LRP1B: variants seen among roughly 807,000 people sequenced by gnomAD.
The protein encoded by LRP1B is LDL receptor related protein 1B, also known as low-density lipoprotein receptor-related protein 1B.
LRP1B carries 217 observed loss-of-function variants against 556.6 expected under a neutral mutation model. The ratio of observed to expected loss-of-function variants is 0.39; its 90% CI spans 0.35 to 0.44. The LOEUF is 0.44. LRP1B is among the 20% of genes least tolerant of loss of function. LRP1B has a pLI of 1.00. For missense variants in LRP1B, 5,053 were observed against 5,620.8 expected, an observed-to-expected ratio of 0.90 and a Z score of 3.23; for synonymous variants, 2,047 against 1,865.8, an observed-to-expected ratio of 1.10 and a Z score of -2.50.
intron 86 of LRP1B, 63 bp downstream of exon 86, chr2:140,270,179 C>A (rs1682393698): frequency 2.7e-6 from 3 of 1,131,186 alleles, no homozygotes; most frequent in Non-Finnish European, 4.0e-6. Flanking sequence ...AATAATAGAA[C>A]AGGGATTTCA....
chr2:140,556,470 C>T (rs1680737772), intron 43 of LRP1B, among the ~76,000 whole-genome samples: 1 of 152,066 alleles, frequency 6.6e-6, no homozygotes, highest in Non-Finnish European at 1.5e-5. Context: ...CATATTACCC[C>T]ACAACTATCC....
At chr2:141,544,414 T>TC (rs1423875409) in intron 2 of LRP1B, among the ~76,000 whole-genome samples, 3,606 of 90,516 alleles carry the variant, frequency 0.04, 360 homozygotes, top group Admixed American at 0.049. Context: ...TCCTCCTCCT[T>TC]CTCCTCCTTC....
chr2:141,637,865 T>A (rs146260459), intron 2 of LRP1B, among the ~76,000 whole-genome samples: 3 of 152,126 alleles, frequency 2.0e-5, no homozygotes, highest in Admixed American at 6.6e-5. Flanking sequence ...CTTAGCAGCA[T>A]CTCCTTGGTG....
At chr2:141,413,868 G>GGAGA (rs139239783) in intron 3 of LRP1B, among the ~76,000 whole-genome samples, 2,688 of 148,188 alleles carry the variant, frequency 0.018, 41 homozygotes, top group Middle Eastern at 0.042. Context: ...GACACAGTGA[G>GGAGA]GAGAGAGAGA....
At chr2:140,882,515 T>TA (rs1483662476) in intron 25 of LRP1B, among the ~76,000 whole-genome samples, 1 of 152,194 alleles carries the variant, frequency 6.6e-6, no homozygotes, top group Admixed American at 6.6e-5. Context: ...GGGTCTTATG[T>TA]AAAATCTCTC....
At chr2:142,040,246 T>A (rs569387193) in intron 1 of LRP1B, among the ~76,000 whole-genome samples, 28 of 151,602 alleles carry the variant, frequency 1.8e-4, no homozygotes, top group Non-Finnish European at 3.8e-4. Context: ...TGCCTAATAC[T>A]ATGCTTAAAA....
At chr2:140,909,949 C>A in intron 21 of LRP1B, among the ~76,000 whole-genome samples, 1 of 150,538 alleles carries the variant, frequency 6.6e-6, no homozygotes, top group South Asian at 2.1e-4. Flanking sequence ...TGAAAAAAAG[C>A]CTTGAATATA....
chr2:141,544,381 TCTCCTCCTCCTC>T lies in LRP1B; in HGVS notation c.206-63860_206-63849del, dbSNP rs1170452147. 3.9e-4 allele frequency among the ~76,000 whole-genome samples: 31 copies of T among 79,796 alleles called. No homozygotes were observed. The East Asian group carries it at 6.1e-3, about 16-fold the overall frequency. The allele number at this position is 79,796 out of a possible 152,430, so 52.3% of individuals were successfully genotyped here. A position where few individuals can be genotyped will look rare whatever the true frequency, so the allele number is the denominator to read the frequency against. On this transcript the variant is annotated intron_variant, in intron 2 of 90. Transcript: ENST00000389484. ...TTCTTCTTCTTCTTCTTCTTCTTCT[TCTCCTCCTCCTC>T]CTCCTCCTCCTCCTCCTCCTTCTCC... is the stretch of plus-strand genomic sequence containing the variant.
At chr2:141,968,773 G>A (rs944820269) in intron 1 of LRP1B, among the ~76,000 whole-genome samples, 1 of 151,636 alleles carries the variant, frequency 6.6e-6, no homozygotes. Flanking sequence ...TGGTTTGGTG[G>A]TGTGCTACAC....
chr2:141,732,666 C>T (rs1212603825), intron 2 of LRP1B, among the ~76,000 whole-genome samples: 1 of 152,010 alleles, frequency 6.6e-6, no homozygotes, highest in Non-Finnish European at 1.5e-5. Context: ...TCGTGAGTAG[C>T]TTGGTAGAAT....
chr2:141,480,995 C>A (rs1682900435), intron 2 of LRP1B, among the ~76,000 whole-genome samples: 2 of 152,088 alleles, frequency 1.3e-5, no homozygotes, highest in African/African-American at 2.4e-5. Context: ...GAAGTTATGT[C>A]AATCTAAAGG....
At chr2:140,590,771 G>C (rs6723181) in intron 43 of LRP1B, among the ~76,000 whole-genome samples, 15,896 of 152,142 alleles carry the variant, frequency 0.1, 1,415 homozygotes, top group African/African-American at 0.24. Flanking sequence ...CCAGTCTAAA[G>C]TATTGTGTTA....
intron 2 of LRP1B, among the ~76,000 whole-genome samples, chr2:141,619,736 T>C (rs1479052124): frequency 6.6e-6 from 1 of 152,106 alleles, no homozygotes; most frequent in African/African-American, 2.4e-5. Flanking sequence ...GATTAGAGGA[T>C]AGATGATTGG....
intron 35 of LRP1B, among the ~76,000 whole-genome samples, chr2:140,727,175 CTTTT>C (rs1687623933): frequency 6.6e-6 from 1 of 152,106 alleles, no homozygotes. Context: ...GGTGAAATCT[CTTTT>C]TGAGTAGATT....
In LRP1B at chr2:141,048,983, T is replaced by C; in HGVS notation, c.1789+3A>G. 6.3e-7 allele frequency: 1 copy of C among 1,598,930 alleles called. No individual in the cohort carries two copies. Among genetic ancestry groups the C allele is most frequent in the Non-Finnish European group, 8.6e-7 (1 of 1,166,376 alleles). ...TTGATGTTAATGTCACAGTGTCACTTACCATCTTTCAGGATGGTTTCTCTC... is the reference window on the plus strand; with the variant it reads ...TTGATGTTAATGTCACAGTGTCACTCACCATCTTTCAGGATGGTTTCTCTC... On this transcript the variant is annotated splice_donor_region_variant and intron_variant, in intron 11 of 90. Coordinates refer to ENST00000389484, the MANE Select transcript of LRP1B (RefSeq NM_018557.3).
At chr2:140,462,811 C>G (rs1357665621) in intron 60 of LRP1B, among the ~76,000 whole-genome samples, 1 of 152,166 alleles carries the variant, frequency 6.6e-6, no homozygotes, top group Non-Finnish European at 1.5e-5. Flanking sequence ...ACACCATTCT[C>G]TGAGTAATAT....
chr2:141,258,812 G>T (rs77816870), intron 3 of LRP1B, among the ~76,000 whole-genome samples: 6,851 of 152,176 alleles, frequency 0.045, 169 homozygotes, highest in South Asian at 0.1. Context: ...CATGTAAGAC[G>T]TGCCTCCTTT....
At chr2:140,368,517 C>G (rs2105160305) in intron 71 of LRP1B, among the ~76,000 whole-genome samples, 1 of 151,932 alleles carries the variant, frequency 6.6e-6, no homozygotes, top group Non-Finnish European at 1.5e-5. Context: ...AAAGCTCAGG[C>G]CAAAACAAGC....
intron 3 of LRP1B, among the ~76,000 whole-genome samples, chr2:141,358,218 G>T (rs956323722): frequency 1.3e-5 from 2 of 152,168 alleles, no homozygotes; most frequent in Admixed American, 1.3e-4. Flanking sequence ...TACTTTCAAA[G>T]ATGTTAGACA....
Sources: gnomAD v4.1 joint callset for allele counts (sites outside exome capture counted in the v4.1 genomes callset) on GRCh38, gnomAD v4.1.1 for gene constraint, MANE v1.5 for transcripts, NCBI Gene and HGNC (gene_info 2026-07-23, HGNC 2026-07-21) for gene names.